Variants in TMTC2 observed in about 807,000 individuals in gnomAD.
TMTC2 encodes transmembrane O-mannosyltransferase targeting cadherins 2.
In TMTC2, 43 loss-of-function variants were observed where a neutral mutation model predicts 82.4. That is an observed-to-expected ratio of 0.52 (90% CI 0.41 to 0.67). The LOEUF is 0.67. TMTC2 is among the 30% of genes least tolerant of loss of function. The pLI, the probability that TMTC2 is intolerant of heterozygous loss-of-function variation, is 0.00. For synonymous variants in TMTC2, 408 were observed against 381.9 expected (o/e 1.07, Z -0.80); for missense variants, 919 against 1,012.4 (o/e 0.91, Z 1.25).
intron 2 of TMTC2, among the ~76,000 whole-genome samples, chr12:82,889,267 C>CAAA (rs1273833107): frequency 1.1e-5 from 1 of 87,290 alleles, no homozygotes; most frequent in Non-Finnish European, 2.5e-5. Context: ...ACAGAGTCTC[C>CAAA]AAAAAAAAAA....
At chr12:82,691,227 C>A (rs987827045) in intron 1 of TMTC2, among the ~76,000 whole-genome samples, 2 of 152,116 alleles carry the variant, frequency 1.3e-5, no homozygotes, top group Non-Finnish European at 2.9e-5. Context: ...TTTGCGACTC[C>A]TCTGAAAATT....
At chr12:82,857,684 T>A in intron 2 of TMTC2, 104 bp downstream of exon 2, 2 of 1,076,820 alleles carry the variant, frequency 1.9e-6, no homozygotes, top group Non-Finnish European at 2.6e-6. Flanking sequence ...AAGCGGAATT[T>A]AAAATAAGTT....
At chr12:82,882,101 G>A (rs929752242) in intron 2 of TMTC2, among the ~76,000 whole-genome samples, 35 of 142,110 alleles carry the variant, frequency 2.5e-4, no homozygotes, top group Non-Finnish European at 4.2e-4. Context: ...CCGGGTTCAC[G>A]CCATTCTCCT....
intron 4 of TMTC2, among the ~76,000 whole-genome samples, chr12:82,938,939 T>G (rs1057358603): frequency 1.3e-5 from 2 of 152,134 alleles, no homozygotes; most frequent in African/African-American, 4.8e-5. Flanking sequence ...CACTTTTAAG[T>G]TTTTTCCCCT....
chr12:82,833,481 TGAA>T (rs1869862095), intron 1 of TMTC2, among the ~76,000 whole-genome samples: 1 of 152,246 alleles, frequency 6.6e-6, no homozygotes, highest in African/African-American at 2.4e-5. Context: ...GGTTCTTTCT[TGAA>T]GAGATTGTGG....
chr12:82,962,273 C>A (rs1877976080), intron 4 of TMTC2, among the ~76,000 whole-genome samples: 1 of 152,016 alleles, frequency 6.6e-6, no homozygotes, highest in East Asian at 1.9e-4. Flanking sequence ...GATATGTGCT[C>A]ATTCCCTTCA....
At chr12:82,864,042 G>A (rs1386921504) in intron 2 of TMTC2, among the ~76,000 whole-genome samples, 1 of 152,132 alleles carries the variant, frequency 6.6e-6, no homozygotes, top group African/African-American at 2.4e-5. Flanking sequence ...ACAGGCATTT[G>A]TAACTGGAGA....
At chr12:82,764,804 TACTC>T (rs1876852910) in intron 1 of TMTC2, among the ~76,000 whole-genome samples, 2 of 149,900 alleles carry the variant, frequency 1.3e-5, no homozygotes, top group Non-Finnish European at 3.0e-5. Context: ...TAGGGAAAAA[TACTC>T]ATTCATGCCT....
intron 1 of TMTC2, among the ~76,000 whole-genome samples, chr12:82,762,375 T>C (rs1876701491): frequency 6.6e-6 from 1 of 152,198 alleles, no homozygotes; most frequent in Admixed American, 6.5e-5. Flanking sequence ...CGTGCAGTTC[T>C]ACTGTAGAGC....
intron 1 of TMTC2, among the ~76,000 whole-genome samples, chr12:82,746,855 T>G (rs1469232770): frequency 2.0e-5 from 3 of 152,214 alleles, no homozygotes; most frequent in African/African-American, 4.8e-5. Context: ...AAAAGGAATG[T>G]GCACAGCCTC....
chr12:82,767,166 T>G (rs1592504908), intron 1 of TMTC2, among the ~76,000 whole-genome samples: 1 of 152,364 alleles, frequency 6.6e-6, no homozygotes, highest in South Asian at 2.1e-4. Context: ...ATTCTTGAAT[T>G]ACAGTATTGC....
In TMTC2 at chr12:83,120,185, C is replaced by T. The variant is rs192092120; in HGVS notation, c.2332-12025C>T. 1.6e-4 allele frequency among the ~76,000 whole-genome samples: 25 copies of T among 152,228 alleles called. No homozygotes were observed. In the East Asian group the frequency reaches 4.6e-3, roughly 28 times the overall value. ...TTTCATTCATCGTGCTATTTGTTGC[C>T]TGCGTACTTTGTTTTTGTTTTTTGT... On this transcript the variant is annotated intron_variant, in intron 11 of 11. Coordinates refer to ENST00000321196, the MANE Select transcript of TMTC2 (RefSeq NM_152588.3).
At chr12:82,866,417 C>T (rs774932472) in intron 2 of TMTC2, among the ~76,000 whole-genome samples, 3 of 152,120 alleles carry the variant, frequency 2.0e-5, no homozygotes, top group Admixed American at 6.5e-5. Flanking sequence ...GTCCTTTTTA[C>T]AGTACAGCAT....
chr12:82,877,802 G>T (rs1185841195), intron 2 of TMTC2, among the ~76,000 whole-genome samples: 2 of 152,094 alleles, frequency 1.3e-5, no homozygotes, highest in Non-Finnish European at 2.9e-5. Context: ...TTTTCCCATT[G>T]TTTTAATGCC....
chr12:82,858,119 C>G (rs1871351937), intron 2 of TMTC2, among the ~76,000 whole-genome samples: 1 of 152,124 alleles, frequency 6.6e-6, no homozygotes, highest in Non-Finnish European at 1.5e-5. Context: ...ATAGAAAAGT[C>G]AAAACAGAAA....
intron 4 of TMTC2, among the ~76,000 whole-genome samples, chr12:82,944,758 GA>G (rs1468505415): frequency 2.0e-5 from 3 of 151,978 alleles, no homozygotes; most frequent in African/African-American, 7.2e-5. Flanking sequence ...GTCCCCATGG[GA>G]AAAAAAGATA....
chr12:82,954,501 G>A (rs1201374993), intron 4 of TMTC2, among the ~76,000 whole-genome samples: 4 of 152,134 alleles, frequency 2.6e-5, no homozygotes, highest in African/African-American at 9.7e-5. Flanking sequence ...GCTGCACATT[G>A]CACTTTAATG....
intron 11 of TMTC2, among the ~76,000 whole-genome samples, chr12:83,100,486 G>T (rs1884182353): frequency 6.6e-6 from 1 of 152,134 alleles, no homozygotes; most frequent in South Asian, 2.1e-4. Flanking sequence ...ATGGTAAAGT[G>T]AGGATTAAAA....
Position 82,855,936 on chromosome 12 carries a change from T to C in TMTC2, c.84-1074T>C, listed in dbSNP as rs564638962. On this transcript the variant is annotated intron_variant, in intron 1 of 11. Transcript: ENST00000321196. ...CTTTTTACATGTCCCCAGTAGTAGA[T>C]GGATCATATTTTGGGAAACCCAGAA... Among the ~76,000 whole-genome samples the C allele has an allele frequency of 6.6e-5, 10 of 152,322 alleles. No homozygotes were observed. The East Asian group carries it at 1.9e-3, about 29-fold the overall frequency.
Sources: gnomAD v4.1 joint callset for allele counts (sites outside exome capture counted in the v4.1 genomes callset) on GRCh38, gnomAD v4.1.1 for gene constraint, MANE v1.5 for transcripts, NCBI Gene and HGNC (gene_info 2026-07-23, HGNC 2026-07-21) for gene names.